LILRB5: variants seen among roughly 807,000 people sequenced by gnomAD.
LILRB5 encodes the protein leukocyte immunoglobulin like receptor B5.
In LILRB5, 61 loss-of-function variants were observed where a neutral mutation model predicts 68.4. That is an observed-to-expected ratio of 0.89 (90% CI 0.73 to 1.10). The LOEUF is 1.10. LILRB5 is among the 50% of genes least tolerant of loss of function. The pLI is 0.00. For missense variants in LILRB5, 771 were observed against 751.6 expected, an observed-to-expected ratio of 1.03 and a Z score of -0.30; for synonymous variants, 356 against 315.8, an observed-to-expected ratio of 1.13 and a Z score of -1.35.
rs752859717 is a variant in LILRB5, at chr19:54,252,898, G to A, written c.1447C>T (p.Arg483Trp). ...GATGTCCTGTGTTTGCTCTGATGCCGATGTCGGAGGAGGAGGAAGAGGAGG... is the reference window on the plus strand; with the variant it reads ...GATGTCCTGTGTTTGCTCTGATGCCAATGTCGGAGGAGGAGGAAGAGGAGG... ...FLLLFLLLRHRHQSKHRTSAH... is the reference protein window; with the variant it reads ...FLLLFLLLRHWHQSKHRTSAH... Residue 483 changes from arginine to tryptophan, a missense_variant, in exon 9 of 13, where the codon CGG becomes TGG. Coordinates refer to ENST00000449561, the MANE Select transcript of LILRB5 (RefSeq NM_001081442.3). 7 of 1,598,024 alleles carry A rather than the reference G, an allele frequency of 4.4e-6. No homozygotes were observed. The highest frequency in any genetic ancestry group is 1.3e-5 in the African/African-American group (1 of 74,652).
chr19:54,256,441 C>T, intron 3 of LILRB5, 48 bp downstream of exon 3: 1 of 1,605,744 alleles, frequency 6.2e-7, no homozygotes, highest in Non-Finnish European at 8.5e-7. Flanking sequence ...AGCCGACCCT[C>T]TTCCTGAGGG....
In LILRB5 at chr19:54,255,317, G is replaced by A; in HGVS notation, c.921C>T (p.Ala307=). The A allele has an allele frequency of 3.1e-6, 5 of 1,613,638 alleles. No homozygotes were observed. The highest frequency in any genetic ancestry group is 4.2e-6 in the Non-Finnish European group (5 of 1,179,888). ...GAHNLSPRWS[A]PSDPLDILIA... ...TCAGGATGTCCAGGGGGTCGCTGGG[G>A]GCCGACCACCTAGGGGAGAGGTTGT... Residue 307 remains alanine (A), a synonymous_variant, in exon 5 of 13, where the codon GCC becomes GCT. Transcript: ENST00000449561.
chr19:54,253,598 A>G (rs1279352397), intron 8 of LILRB5: 3 of 470,962 alleles, frequency 6.4e-6, no homozygotes, highest in African/African-American at 6.0e-5. Context: ...TGTGAGCTGG[A>G]TGGGACTGAG....
Position 54,250,665 on chromosome 19 carries a change from TG to T in LILRB5, c.*120del. ...TCCCAGAGTTCCCAGGATGTCCTGGTGGTCTTTGTTAGGGGTCCAGGCTGGC... is the reference window on the plus strand; with the variant it reads ...TCCCAGAGTTCCCAGGATGTCCTGGTGTCTTTGTTAGGGGTCCAGGCTGGC... On this transcript the variant is annotated 3_prime_UTR_variant, in exon 13 of 13. Transcript: ENST00000449561. The T allele has an allele frequency of 1.6e-6, 2 of 1,224,406 alleles. No individual in the cohort carries two copies. Among genetic ancestry groups the T allele is most frequent in the Non-Finnish European group, 2.3e-6 (2 of 867,214 alleles). 75.8% of individuals were successfully genotyped at this position (1,224,406 alleles called of 1,614,324 possible). A position where few individuals can be genotyped will look rare whatever the true frequency, so the allele number is the denominator to read the frequency against.
intron 12 of LILRB5, chr19:54,251,166 T>C (rs1418756791): frequency 1.3e-6 from 2 of 1,594,706 alleles, no homozygotes; most frequent in South Asian, 2.2e-5. Flanking sequence ...TCGTGTGGGC[T>C]CTGCTGGAGA....
chr19:54,252,999 T>A lies in LILRB5; in HGVS notation c.1358-12A>T, dbSNP rs764077850. 3.9e-5 allele frequency: 60 copies of A among 1,531,216 alleles called. No individual in the cohort carries two copies. The South Asian group carries it at 5.6e-4, about 14-fold the overall frequency. 94.9% of individuals were successfully genotyped at this position (1,531,216 alleles called of 1,614,324 possible). On this transcript the variant is annotated splice_polypyrimidine_tract_variant and intron_variant, in intron 8 of 12. Transcript: ENST00000449561. ...GTGCCTTCCCAGACCTTGAGCGTGA[T>A]GACGTTGGGAATGGGGATGACGTCA...
chr19:54,254,197 C>T (rs2079046469), intron 7 of LILRB5, 129 bp from the exon 8 acceptor site: 6 of 1,494,830 alleles, frequency 4.0e-6, no homozygotes, highest in Non-Finnish European at 5.4e-6. Context: ...CCTCACCGGC[C>T]CAGCCTCAGA....
chr19:54,254,901 G>A lies in LILRB5; in HGVS notation c.1089C>T (p.Pro363=), dbSNP rs1601036850. Residue 363 remains proline, a synonymous_variant, in exon 6 of 13, where the codon CCC becomes CCT. Coordinates refer to ENST00000449561, the MANE Select transcript of LILRB5 (RefSeq NM_001081442.3). ...GGTACTTTGACTTTAGACACAGCGG[G>A]GGATGGGCTGCCCCCTCCTTGGTCA... ...FFLTKEGAAH[P]PLCLKSKYQS... 6.2e-7 allele frequency: 1 copy of A among 1,613,992 alleles called. No homozygotes were observed. The highest frequency in any genetic ancestry group is 8.5e-7 in the Non-Finnish European group (1 of 1,179,992).
Position 54,252,857 on chromosome 19 carries a change from C to T in LILRB5, c.1474+14G>A. 1 of 1,602,730 alleles carries T rather than the reference C, an allele frequency of 6.2e-7. No individual in the cohort carries two copies. The highest frequency in any genetic ancestry group is 8.5e-7 in the Non-Finnish European group (1 of 1,172,402). On this transcript the variant is annotated intron_variant, in intron 9 of 12. Transcript: ENST00000449561. ...CCCTCGGTCGGCCCACGGGTTCCCC[C>T]ATTCCCTACTCACCCGATGTCCTGT...
In LILRB5 at chr19:54,256,712, G is replaced by C; in HGVS notation, c.132C>G (p.Pro44=). ...EPASVIARGK[P]VTLWCQGPLE... ...GGGGCCCCTGACACCAGAGGGTCAC[G>C]GGCTTCCCCCGAGCTATCACAGAGG... The change falls in exon 3 of 13, where the codon CCC becomes CCG. Residue 44 remains proline, a synonymous_variant. Transcript: ENST00000449561. 1 of 1,614,138 alleles carries C rather than the reference G, an allele frequency of 6.2e-7. No individual in the cohort carries two copies.
In LILRB5 at chr19:54,257,004, A is replaced by G. The variant is rs897862043; in HGVS notation, c.35-8T>C. On this transcript the variant is annotated splice_polypyrimidine_tract_variant and splice_region_variant and intron_variant, in intron 1 of 12. Coordinates refer to ENST00000449561, the MANE Select transcript of LILRB5 (RefSeq NM_001081442.3). ...TGGGGCCCACACTCAGCCCTGGAAG[A>G]GAGTTCCCTGTGAGGGATTTGCCCC... The G allele has an allele frequency of 6.2e-7, 1 of 1,614,208 alleles. No homozygotes were observed. Among genetic ancestry groups the G allele is most frequent in the South Asian group, 1.1e-5 (1 of 91,088 alleles).
rs1017703154 is a variant in LILRB5 at position 54,256,558 on chromosome 19, A to T, written c.286T>A (p.Tyr96Asn). The T allele has an allele frequency of 3.1e-6, 5 of 1,614,040 alleles. No homozygotes were observed. In the African/African-American group the frequency reaches 6.7e-5, roughly 22 times the overall value. Reference sequence around the variant, plus strand: ...GCAGGGGTCTCATAGTAGCAGCGGTATCGCCCTGCACTGTCATACACCGTG... The same window carrying T: ...GCAGGGGTCTCATAGTAGCAGCGGTTTCGCCCTGCACTGTCATACACCGTG... ...PSTVYDSAGR[Y>N]RCYYETPAGW... The change falls in exon 3 of 13, where the codon TAC becomes AAC. Residue 96 changes from tyrosine (Y) to asparagine (N), a missense_variant. Physicochemically the swap from Tyr to Asn is moderately radical, Grantham distance 143. Coordinates refer to ENST00000449561, the MANE Select transcript of LILRB5 (RefSeq NM_001081442.3).
chr19:54,255,335 G>C lies in LILRB5; in HGVS notation c.903C>G (p.Leu301=), dbSNP rs375992105. Reference sequence around the variant, plus strand: ...CGCTGGGGGCCGACCACCTAGGGGAGAGGTTGTGTGCACCGTAGCATCTGT... The same window carrying C: ...CGCTGGGGGCCGACCACCTAGGGGACAGGTTGTGTGCACCGTAGCATCTGT... ...GQYRCYGAHN[L]SPRWSAPSDP... Residue 301 remains leucine (L), a synonymous_variant, in exon 5 of 13, where the codon CTC becomes CTG. Coordinates refer to ENST00000449561, the MANE Select transcript of LILRB5 (RefSeq NM_001081442.3). 1 of 1,613,984 alleles carries C rather than the reference G, an allele frequency of 6.2e-7. No homozygotes were observed. Among genetic ancestry groups the C allele is most frequent in the African/African-American group, 1.3e-5 (1 of 75,046 alleles).
At position 54,254,773 on chromosome 19, in the gene LILRB5, A is replaced by G. The variant is rs1386297689; in HGVS notation, c.1217T>C (p.Leu406Pro). Residue 406 changes from leucine to proline, a missense_variant, in exon 6 of 13, where the codon CTG (leucine) becomes CCG (proline). Physicochemically the swap from Leu to Pro is moderately conservative, Grantham distance 98 (BLOSUM62 -3). Coordinates refer to ENST00000449561, the MANE Select transcript of LILRB5 (RefSeq NM_001081442.3). ...YSAIRSYPYL[L>P]SSPSYPQELV... is the part of the protein sequence containing the mutation. ...CTCCTGGGGGTAACTAGGGCTGGAC[A>G]GCAGGTAGGGGTAGGACCTGATTGC... is the stretch of plus-strand genomic sequence containing the variant. 1.3e-5 allele frequency: 21 copies of G among 1,614,144 alleles called. No individual in the cohort carries two copies. The highest frequency in any genetic ancestry group is 1.8e-5 in the Non-Finnish European group (21 of 1,179,996).
Position 54,255,526 on chromosome 19 carries a change from C to T in LILRB5, c.712G>A (p.Gly238Ser), listed in dbSNP as rs772681667. ...GAGCGACACTGCAGGGTCAGGCTGC[C>T]TCCGCGGGCCACGACAGAGCCCTGC... The part of the protein sequence containing the change: ...IPQGSVVARG[G>S]SLTLQCRSDV... Residue 238 changes from glycine to serine, a missense_variant, in exon 5 of 13, where the codon GGC becomes AGC. By Grantham distance (56) the Gly-to-Ser change is moderately conservative. Transcript: ENST00000449561. The T allele has an allele frequency of 1.9e-6, 3 of 1,613,870 alleles. No homozygotes were observed. In the African/African-American group the frequency reaches 4.0e-5, roughly 22 times the overall value.
chr19:54,252,160 C>T, intron 11 of LILRB5, 54 bp from the exon 12 acceptor site: 3 of 1,596,296 alleles, frequency 1.9e-6, no homozygotes, highest in Non-Finnish European at 2.6e-6. Context: ...TGAGACTTCT[C>T]CGTCCTGCCA....
Position 54,250,884 on chromosome 19 carries a change from T to A in LILRB5, c.1678A>T (p.Ser560Cys). ...GTTGCCTCCCGTCTGAGGGTCAAGC[T>A]GTGCAGCTGGGCGTAGGTCACATCC... ...PQDVTYAQLH[S>C]LTLRREATEP... The change falls in exon 13 of 13, where the codon AGC becomes TGC. Residue 560 changes from serine to cysteine, a missense_variant. Transcript: ENST00000449561. The A allele has an allele frequency of 6.2e-7, 1 of 1,610,376 alleles. No homozygotes were observed. Among genetic ancestry groups the A allele is most frequent in the Non-Finnish European group, 8.5e-7 (1 of 1,179,314 alleles).
intron 7 of LILRB5, 45 bp downstream of exon 7, chr19:54,254,320 G>A (rs532096157): frequency 1.3e-5 from 20 of 1,543,566 alleles, no homozygotes; most frequent in East Asian, 1.2e-4. Context: ...GGCTGCCTGG[G>A]GGGAGACCAC....
At chr19:54,255,979 C>T in intron 4 of LILRB5, 64 bp downstream of exon 4, 1 of 1,352,812 alleles carries the variant, frequency 7.4e-7, no homozygotes. Context: ...CAGTCATCAA[C>T]CAAACTCCCA....
Sources: allele counts gnomAD v4.1 joint callset, GRCh38; gene constraint gnomAD v4.1.1; transcripts MANE v1.5; gene names NCBI Gene and HGNC (gene_info 2026-07-23, HGNC 2026-07-21).